Variants in NCEH1 observed in about 807,000 individuals in gnomAD.
NCEH1 encodes neutral cholesterol ester hydrolase 1, also known as 2-acetyl MAGE hydrolase.
In NCEH1, 9 loss-of-function variants were observed where a neutral mutation model predicts 25.4. The observed-to-expected ratio is 0.35, with a 90% CI of 0.21 to 0.62. The LOEUF is 0.62. NCEH1 is among the 20% of genes least tolerant of loss of function. The pLI, the probability that NCEH1 is intolerant of heterozygous loss-of-function variation, is 0.72. For synonymous variants in NCEH1, 200 were observed against 199.8 expected (o/e 1.00, Z -0.01); for missense variants, 412 against 501.1 (o/e 0.82, Z 1.70).
intron 1 of NCEH1, among the ~76,000 whole-genome samples, chr3:172,693,889 T>C (rs1713213418): frequency 6.6e-6 from 1 of 150,726 alleles, no homozygotes; most frequent in African/African-American, 2.5e-5. Flanking sequence ...AGTATGTGTA[T>C]TTAATTTTTA....
At position 172,633,593 on chromosome 3, in the gene NCEH1, A is replaced by G; in HGVS notation, c.1109T>C (p.Leu370Pro). 3.7e-6 allele frequency: 6 copies of G among 1,614,194 alleles called. No individual in the cohort carries two copies. Among genetic ancestry groups the G allele is most frequent in the Non-Finnish European group, 5.1e-6 (6 of 1,180,026 alleles). The change falls in exon 5 of 5, where the codon CTG becomes CCG. Residue 370 changes from leucine (L) to proline (P), a missense_variant. Coordinates refer to ENST00000475381, the MANE Select transcript of NCEH1 (RefSeq NM_020792.6). ...RLESAGVEVT[L>P]DHFEDGFHGC... ...GTGAAAGCCATCCTCAAAGTGATCC[A>G]GGGTCACCTCCACACCGGCACTCTC... is the stretch of plus-strand genomic sequence containing the variant.
chr3:172,668,813 CAT>C (rs1718350500), intron 1 of NCEH1, among the ~76,000 whole-genome samples: 1 of 152,062 alleles, frequency 6.6e-6, no homozygotes, highest in South Asian at 2.1e-4. Flanking sequence ...AATGCACAGA[CAT>C]ATATATTTTC....
intron 1 of NCEH1, among the ~76,000 whole-genome samples, chr3:172,652,829 G>T (rs1301747387): frequency 6.6e-6 from 1 of 151,836 alleles, no homozygotes; most frequent in African/African-American, 2.4e-5. Flanking sequence ...CCAAATAGCT[G>T]GGATTACAGA....
intron 1 of NCEH1, among the ~76,000 whole-genome samples, chr3:172,655,515 GGAGA>G (rs1033213465): frequency 4.6e-5 from 7 of 152,206 alleles, no homozygotes; most frequent in Non-Finnish European, 1.0e-4. Context: ...GGCTGGAGAA[GGAGA>G]GAGAGTTGGG....
Position 172,633,730 on chromosome 3 carries a change from G to A in NCEH1, c.972C>T (p.Ser324=), listed in dbSNP as rs751458217. 1.4e-5 allele frequency: 23 copies of A among 1,614,086 alleles called. No individual in the cohort carries two copies. The Admixed American group carries it at 1.8e-4, about 13-fold the overall frequency. ...CTGCCTGGTCTGCAATGAGTGGGGCGGAGCGGGCATCCAGCAACTGAGGAA... is the reference window on the plus strand; with the variant it reads ...CTGCCTGGTCTGCAATGAGTGGGGCAGAGCGGGCATCCAGCAACTGAGGAA... The part of the protein sequence containing the change: ...QELPQLLDAR[S]APLIADQAVL... The change falls in exon 5 of 5, where the codon TCC becomes TCT. Residue 324 remains serine (S), a synonymous_variant. Transcript: ENST00000475381.
intron 1 of NCEH1, among the ~76,000 whole-genome samples, chr3:172,657,562 T>C (rs1004890741): frequency 1.3e-5 from 2 of 152,198 alleles, no homozygotes; most frequent in African/African-American, 2.4e-5. Context: ...AGATGCTCAT[T>C]ATTTTCTGCA....
chr3:172,705,540 G>A (rs2108229149), intron 1 of NCEH1, among the ~76,000 whole-genome samples: 1 of 152,308 alleles, frequency 6.6e-6, no homozygotes, highest in African/African-American at 2.4e-5. Context: ...CTACATGTTT[G>A]TAGGCAGTTG....
intron 1 of NCEH1, among the ~76,000 whole-genome samples, chr3:172,679,769 A>G (rs1712236677): frequency 6.6e-6 from 1 of 152,076 alleles, no homozygotes; most frequent in African/African-American, 2.4e-5. Flanking sequence ...CACTCAATAT[A>G]GTGATTCCCG....
intron 1 of NCEH1, among the ~76,000 whole-genome samples, chr3:172,666,780 T>C (rs1255918608): frequency 6.6e-6 from 1 of 152,158 alleles, no homozygotes; most frequent in Non-Finnish European, 1.5e-5. Context: ...TCCTGGTTTC[T>C]CTGTCTGCGA....
chr3:172,650,965 G>A (rs948216046), intron 1 of NCEH1, among the ~76,000 whole-genome samples: 2 of 150,746 alleles, frequency 1.3e-5, no homozygotes, highest in African/African-American at 4.8e-5. Flanking sequence ...ATAAATTAGA[G>A]TTATACTAGA....
intron 1 of NCEH1, among the ~76,000 whole-genome samples, chr3:172,660,677 G>T (rs1453433664): frequency 6.6e-6 from 1 of 152,188 alleles, no homozygotes; most frequent in Non-Finnish European, 1.5e-5. Context: ...TCTAACTGGT[G>T]TGAGATGGTA....
intron 1 of NCEH1, among the ~76,000 whole-genome samples, chr3:172,697,970 ATTTTTTT>A (rs386398562): frequency 2.0e-5 from 2 of 101,086 alleles, no homozygotes; most frequent in South Asian, 3.3e-4. Context: ...TAAAAGCAGA[ATTTTTTT>A]TTTTTTTTTT....
At chr3:172,640,942 CG>C (rs1187056147) in intron 3 of NCEH1, among the ~76,000 whole-genome samples, 4 of 152,232 alleles carry the variant, frequency 2.6e-5, no homozygotes, top group African/African-American at 9.6e-5. Flanking sequence ...GCTGGAATTA[CG>C]GGTGTGAGCC....
intron 1 of NCEH1, among the ~76,000 whole-genome samples, chr3:172,653,843 G>A (rs186364075): frequency 2.0e-5 from 3 of 147,506 alleles, no homozygotes; most frequent in South Asian, 2.1e-4. Context: ...TGCAACCTCC[G>A]ACTCCCTGGT....
rs1424554088 is a variant in NCEH1, at chr3:172,683,165, AG to A, written c.138+27681del. ...ACGCCTGTAATCCCAGCACTTTGGG[AG>A]GCCGAGGCGGGCGGATCACGAGGTC... On this transcript the variant is annotated intron_variant, in intron 1 of 4. Transcript: ENST00000475381. 1.7e-4 allele frequency among the ~76,000 whole-genome samples: 22 copies of A among 129,912 alleles called. 1 individual carries two copies. Among genetic ancestry groups the A allele is most frequent in the African/African-American group, 1.8e-4 (6 of 32,850 alleles). 85.2% of individuals were successfully genotyped at this position (129,912 alleles called of 152,430 possible). A position where few individuals can be genotyped will look rare whatever the true frequency, so the allele number is the denominator to read the frequency against.
Position 172,664,057 on chromosome 3 carries a change from T to C in NCEH1, c.139-15943A>G, listed in dbSNP as rs538510691. Among the ~76,000 whole-genome samples the C allele has an allele frequency of 2.0e-5, 3 of 152,368 alleles. No individual in the cohort carries two copies. In the South Asian group the frequency reaches 6.2e-4, roughly 32 times the overall value. On this transcript the variant is annotated intron_variant, in intron 1 of 4. Transcript: ENST00000475381. ...TGATGCAGTTTCTTCCTAGCCTCGA[T>C]GGTCTTTACAATTTGGCATGTTTTT...
In NCEH1 at chr3:172,633,792, C is replaced by A. The variant is rs1236769710; in HGVS notation, c.910G>T (p.Val304Leu). 6.8e-6 allele frequency: 11 copies of A among 1,614,222 alleles called. No homozygotes were observed. Among genetic ancestry groups the A allele is most frequent in the Non-Finnish European group, 7.6e-6 (9 of 1,180,046 alleles). ...ATCCTGGCATTGCCTGTGGTCTGTA[C>A]AACAGGCTTGTAGTTCTTTGTGAAG... ...ASFTKNYKPV[V>L]QTTGNARIVQ... Residue 304 changes from valine (V) to leucine (L), a missense_variant, in exon 5 of 5, where the codon GTA becomes TTA. Physicochemically the swap from Val to Leu is conservative, Grantham distance 32. This residue lies in a region of NCEH1 where 210 missense variants were observed against 258.2 expected (regional missense o/e 0.81). Coordinates refer to ENST00000475381, the MANE Select transcript of NCEH1 (RefSeq NM_020792.6).
intron 1 of NCEH1, among the ~76,000 whole-genome samples, chr3:172,675,125 C>A (rs370907284): frequency 1.3e-5 from 2 of 152,110 alleles, no homozygotes; most frequent in Non-Finnish European, 2.9e-5. Context: ...GCCTGGCCAA[C>A]ATGGTGAAAC....
chr3:172,691,976 AGAAAG>A (rs1332047381), intron 1 of NCEH1, among the ~76,000 whole-genome samples: 1 of 149,064 alleles, frequency 6.7e-6, no homozygotes, highest in African/African-American at 2.5e-5. Context: ...AAAGAAAGAA[AGAAAG>A]AAAGAAAGAA....
Sources: allele counts gnomAD v4.1 joint callset (sites outside exome capture counted in the v4.1 genomes callset), GRCh38; gene constraint gnomAD v4.1.1; regional missense constraint gnomAD v4.1.1; transcripts MANE v1.5; gene names NCBI Gene and HGNC (gene_info 2026-07-23, HGNC 2026-07-21).